The following SERPINA1 variants were observed in gnomAD, a reference collection of about 807,000 sequenced individuals.
The protein encoded by SERPINA1 is alpha-1-antitrypsin.
Under a neutral mutation model 25.4 loss-of-function variants are expected in SERPINA1, and 21 were observed. The observed-to-expected ratio is 0.83, with a 90% CI of 0.59 to 1.19. The LOEUF is 1.19. Ranked by LOEUF, SERPINA1 falls within the 50% of genes most tolerant of loss-of-function variation. The pLI is 0.00. For missense variants in SERPINA1, 546 were observed against 509.0 expected, an observed-to-expected ratio of 1.07 and a Z score of -0.70; for synonymous variants, 218 against 211.1, an observed-to-expected ratio of 1.03 and a Z score of -0.29.
chr14:94,380,619 G>A (rs1390818294), intron 3 of SERPINA1: 1 of 563,482 alleles, frequency 1.8e-6, no homozygotes, highest in East Asian at 3.0e-5. Context: ...GTCCACACTG[G>A]AGTGGGAAGT....
chr14:94,385,777 G>T (rs76680513), intron 1 of SERPINA1, among the ~76,000 whole-genome samples: 1,862 of 152,268 alleles, frequency 0.012, 32 homozygotes, highest in African/African-American at 0.043. Flanking sequence ...TGGCGAGGGG[G>T]TGACAGCTGG....
chr14:94,382,560 G>A (rs1201825923), intron 2 of SERPINA1, 32 bp downstream of exon 2: 4 of 1,614,058 alleles, frequency 2.5e-6, no homozygotes, highest in Non-Finnish European at 3.4e-6. Flanking sequence ...TTGTTTCTAT[G>A]GGAACAGCTC....
rs779843923 is a variant in SERPINA1 at position 94,380,991 on chromosome 14, A to G, written c.797T>C (p.Met266Thr). 1.2e-6 allele frequency: 2 copies of G among 1,614,076 alleles called. No homozygotes were observed. Among genetic ancestry groups the G allele is most frequent in the Non-Finnish European group, 1.7e-6 (2 of 1,180,016 alleles). ...GGCGGTGGCATTGCCCAGGTATTTCATCAGCAGCACCCAGCTGGACAGCTT... is the reference window on the plus strand; with the variant it reads ...GGCGGTGGCATTGCCCAGGTATTTCGTCAGCAGCACCCAGCTGGACAGCTT... ...CKKLSSWVLLMKYLGNATAIF... is the reference protein window; with the variant it reads ...CKKLSSWVLLTKYLGNATAIF... The change falls in exon 3 of 5, where the codon ATG (methionine) becomes ACG (threonine). Residue 266 changes from methionine (M) to threonine (T), a missense_variant. Coordinates refer to ENST00000393087, the MANE Select transcript of SERPINA1 (RefSeq NM_000295.5).
intron 2 of SERPINA1, among the ~76,000 whole-genome samples, chr14:94,382,359 C>G (rs1385367981): frequency 6.6e-6 from 1 of 152,212 alleles, no homozygotes; most frequent in African/African-American, 2.4e-5. Flanking sequence ...ATTAAAGGCT[C>G]TGAAAAGTTC....
intron 2 of SERPINA1, among the ~76,000 whole-genome samples, chr14:94,381,681 G>A (rs1053822831): frequency 6.6e-6 from 1 of 152,222 alleles, no homozygotes; most frequent in Non-Finnish European, 1.5e-5. Context: ...CATGCAGAGT[G>A]GACAGGGGCC....
In SERPINA1 at chr14:94,378,625, C is replaced by T. The variant is rs1450256967; in HGVS notation, c.1081G>A (p.Val361Met). 5 of 1,614,018 alleles carry T rather than the reference C, an allele frequency of 3.1e-6. No homozygotes were observed. The highest frequency in any genetic ancestry group is 4.2e-6 in the Non-Finnish European group (5 of 1,180,020). The change falls in exon 5 of 5, where the codon GTG (valine) becomes ATG (methionine). Residue 361 changes from valine to methionine, a missense_variant. Physicochemically the swap from Val to Met is conservative, Grantham distance 21. Transcript: ENST00000393087. The part of the protein sequence containing the change: ...LKLSKAVHKA[V>M]LTIDEKGTEA... Reference sequence around the variant, plus strand: ...GTCCCTTTCTCGTCGATGGTCAGCACAGCCTTATGCACGGCCTGGAGGGGA... The same window carrying T: ...GTCCCTTTCTCGTCGATGGTCAGCATAGCCTTATGCACGGCCTGGAGGGGA...
chr14:94,385,456 A>C (rs773826785), intron 1 of SERPINA1, among the ~76,000 whole-genome samples: 6 of 152,212 alleles, frequency 3.9e-5, no homozygotes, highest in Non-Finnish European at 7.3e-5. Flanking sequence ...AGCTTCCCAA[A>C]TAGCTGGGAT....
At chr14:94,384,347 T>C (rs1033919835) in intron 1 of SERPINA1, among the ~76,000 whole-genome samples, 1 of 152,202 alleles carries the variant, frequency 6.6e-6, no homozygotes, top group East Asian at 1.9e-4. Flanking sequence ...CAAAAGGATC[T>C]GAGAGGGCAA....
intron 4 of SERPINA1, chr14:94,379,127 A>T (rs1896643491): frequency 1.7e-6 from 1 of 580,344 alleles, no homozygotes; most frequent in South Asian, 2.2e-5. Flanking sequence ...CGAAGGAGTC[A>T]GAAATTCCTT....
intron 4 of SERPINA1, 53 bp from the exon 5 acceptor site, chr14:94,378,693 C>A: frequency 6.4e-7 from 1 of 1,553,526 alleles, no homozygotes; most frequent in Middle Eastern, 1.8e-4. Context: ...AGGCCTCGAG[C>A]AAGGCTCACG....
In SERPINA1 at chr14:94,383,188, C is replaced by A. The variant is rs1176919060; in HGVS notation, c.50G>T (p.Cys17Phe). 1 of 1,614,146 alleles carries A rather than the reference C, an allele frequency of 6.2e-7. No homozygotes were observed. Among genetic ancestry groups the A allele is most frequent in the Non-Finnish European group, 8.5e-7 (1 of 1,180,036 alleles). Residue 17 changes from cysteine to phenylalanine, a missense_variant, in exon 2 of 5, where the codon TGC becomes TTC. Coordinates refer to ENST00000393087, the MANE Select transcript of SERPINA1 (RefSeq NM_000295.5). Reference sequence around the variant, plus strand: ...CTCAGCCAGGGAGACAGGGACCAGGCAGCACAGGCCTGCCAGCAGGAGGAT... The same window carrying A: ...CTCAGCCAGGGAGACAGGGACCAGGAAGCACAGGCCTGCCAGCAGGAGGAT... ...WGILLLAGLCCLVPVSLAEDP... is the reference protein window; with the variant it reads ...WGILLLAGLCFLVPVSLAEDP...
rs1595598934 is a variant in SERPINA1, at chr14:94,378,636, A to G, written c.1070T>C (p.Val357Ala). 1 of 1,613,920 alleles carries G rather than the reference A, an allele frequency of 6.2e-7. No homozygotes were observed. The highest frequency in any genetic ancestry group is 8.5e-7 in the Non-Finnish European group (1 of 1,179,952). The stretch of plus-strand genomic sequence containing the variant: ...GTCGATGGTCAGCACAGCCTTATGC[A>G]CGGCCTGGAGGGGAGAGAAGCAGAG... Reference protein sequence around the residue: ...EEAPLKLSKAVHKAVLTIDEK... With the variant: ...EEAPLKLSKAAHKAVLTIDEK... The change falls in exon 5 of 5, where the codon GTG (valine) becomes GCG (alanine). Residue 357 changes from valine to alanine, a missense_variant. Coordinates refer to ENST00000393087, the MANE Select transcript of SERPINA1 (RefSeq NM_000295.5).
chr14:94,379,561 A>AGAT lies in SERPINA1; in HGVS notation c.965_967dup (p.Asp322_Leu323insHis). On this transcript the variant is annotated inframe_insertion, in exon 4 of 5. Transcript: ENST00000393087. ...GCCCAGTTGACCCAGGACGCTCTTC[A>AGAT]GATCATAGGTTCCAGTAATGGACAG... The AGAT allele has an allele frequency of 6.2e-7, 1 of 1,614,234 alleles. No homozygotes were observed. The highest frequency in any genetic ancestry group is 8.5e-7 in the Non-Finnish European group (1 of 1,180,034).
At chr14:94,389,771 C>T (rs1028087506), upstream of SERPINA1, 1 of 152,232 alleles carries the variant, frequency 6.6e-6, no homozygotes, top group Non-Finnish European at 1.5e-5. Flanking sequence ...CCATTTATGC[C>T]TCCACCTTGG....
intron 1 of SERPINA1, among the ~76,000 whole-genome samples, chr14:94,386,652 C>T (rs774464752): frequency 1.3e-5 from 2 of 152,166 alleles, no homozygotes; most frequent in Non-Finnish European, 2.9e-5. Context: ...AGCTCCTGCC[C>T]GAGAGATGGT....
At chr14:94,380,797 C>G (rs769803965) in intron 3 of SERPINA1, 74 bp downstream of exon 3, 145 of 1,596,010 alleles carry the variant, frequency 9.1e-5, no homozygotes, top group Non-Finnish European at 1.1e-4. Flanking sequence ...TCTGGCCAGT[C>G]CTGATGGGCC....
In SERPINA1 at chr14:94,383,123, G is replaced by T. The variant is rs138070585; in HGVS notation, c.115C>A (p.His39Asn). Residue 39 changes from histidine (H) to asparagine (N), a missense_variant, in exon 2 of 5, where the codon CAC becomes AAC. Transcript: ENST00000393087. The part of the protein sequence containing the change: ...GDAAQKTDTS[H>N]HDQDHPTFNK... Reference sequence around the variant, plus strand: ...AAGGTTGGGTGATCCTGATCATGGTGGGATGTATCTGTCTTCTGGGCAGCA... The same window carrying T: ...AAGGTTGGGTGATCCTGATCATGGTTGGATGTATCTGTCTTCTGGGCAGCA... 77 of 1,614,128 alleles carry T rather than the reference G, an allele frequency of 4.8e-5. No individual in the cohort carries two copies. The highest frequency in any genetic ancestry group is 6.3e-5 in the Non-Finnish European group (74 of 1,180,050).
In SERPINA1 at chr14:94,382,925, T is replaced by C. The variant is rs757510628; in HGVS notation, c.313A>G (p.Asn105Asp). The change falls in exon 2 of 5, where the codon AAT becomes GAT. Residue 105 changes from asparagine to aspartate, a missense_variant. Coordinates refer to ENST00000393087, the MANE Select transcript of SERPINA1 (RefSeq NM_000295.5). ...TCCGGAATCTCCGTGAGGTTGAAAT[T>C]CAGGCCCTCCAGGATTTCATCGTGA... ...DTHDEILEGLNFNLTEIPEAQ... is the reference protein window; with the variant it reads ...DTHDEILEGLDFNLTEIPEAQ... The C allele has an allele frequency of 6.2e-7, 1 of 1,612,086 alleles. No individual in the cohort carries two copies. Among genetic ancestry groups the C allele is most frequent in the Admixed American group, 1.7e-5 (1 of 59,904 alleles).
rs1241260019 is a variant in SERPINA1 at position 94,382,887 on chromosome 14, A to G, written c.351T>C (p.His117=). 1.9e-6 allele frequency: 3 copies of G among 1,613,954 alleles called. No individual in the cohort carries two copies. In the African/African-American group the frequency reaches 4.0e-5, roughly 22 times the overall value. ...TACGGAGGAGTTCCTGGAAGCCTTCATGGATCTGAGCCTCCGGAATCTCCG... is the reference window on the plus strand; with the variant it reads ...TACGGAGGAGTTCCTGGAAGCCTTCGTGGATCTGAGCCTCCGGAATCTCCG... ...NLTEIPEAQI[H]EGFQELLRTL... Residue 117 remains histidine (H), a synonymous_variant, in exon 2 of 5, where the codon CAT becomes CAC. Coordinates refer to ENST00000393087, the MANE Select transcript of SERPINA1 (RefSeq NM_000295.5).
Sources: allele counts gnomAD v4.1 joint callset (sites outside exome capture counted in the v4.1 genomes callset), GRCh38; gene constraint gnomAD v4.1.1; transcripts MANE v1.5; gene names NCBI Gene and HGNC (gene_info 2026-07-23, HGNC 2026-07-21).